The following ANKRD13C variants were observed in gnomAD, a reference collection of about 807,000 sequenced individuals.
The protein encoded by ANKRD13C is ankyrin repeat domain-containing protein 13C.
A neutral mutation model predicts 65.5 loss-of-function variants in ANKRD13C; 16 were observed. The ratio of observed to expected loss-of-function variants is 0.24; its 90% CI spans 0.17 to 0.37. The LOEUF is 0.37. ANKRD13C is among the 10% of genes least tolerant of loss of function. ANKRD13C has a pLI of 1.00. For synonymous variants in ANKRD13C, 235 were observed against 238.7 expected (o/e 0.98, Z 0.14); for missense variants, 503 against 655.9 (o/e 0.77, Z 2.55).
At chr1:70,301,031 A>T in intron 6 of ANKRD13C, 123 bp from the exon 7 acceptor site, 1 of 967,218 alleles carries the variant, frequency 1.0e-6, no homozygotes, top group South Asian at 2.4e-5. Flanking sequence ...TGCAAAGTCA[A>T]ATTTATAGAT....
intron 1 of ANKRD13C, among the ~76,000 whole-genome samples, chr1:70,341,067 G>A (rs1038711550): frequency 1.1e-4 from 16 of 152,122 alleles, no homozygotes; most frequent in Non-Finnish European, 1.8e-4. Flanking sequence ...CCAAGATCAC[G>A]CCACTTCACT....
intron 9 of ANKRD13C, among the ~76,000 whole-genome samples, chr1:70,277,456 CAA>C (rs199589444): frequency 1.7e-5 from 1 of 59,722 alleles, no homozygotes. Flanking sequence ...GACTCCACCT[CAA>C]AAAAAAAAAA....
intron 3 of ANKRD13C, among the ~76,000 whole-genome samples, chr1:70,316,855 T>C (rs1406722490): frequency 6.6e-6 from 1 of 152,100 alleles, no homozygotes; most frequent in African/African-American, 2.4e-5. Flanking sequence ...GGAAAATATA[T>C]ACATATATAC....
At chr1:70,308,352 T>C (rs1328060947) in intron 5 of ANKRD13C, among the ~76,000 whole-genome samples, 1 of 151,578 alleles carries the variant, frequency 6.6e-6, no homozygotes. Context: ...TTTAATATCA[T>C]ACACTAATAC....
chr1:70,351,600 A>G (rs998257426), intron 1 of ANKRD13C, among the ~76,000 whole-genome samples: 1 of 152,024 alleles, frequency 6.6e-6, no homozygotes, highest in African/African-American at 2.4e-5. Flanking sequence ...GGGTTTCACT[A>G]TGTTGGTCAG....
At chr1:70,351,347 T>C (rs1358383637) in intron 1 of ANKRD13C, among the ~76,000 whole-genome samples, 1 of 152,244 alleles carries the variant, frequency 6.6e-6, no homozygotes, top group East Asian at 1.9e-4. Flanking sequence ...TATTCTGCTA[T>C]GCATTTATGT....
chr1:70,344,905 T>C (rs1255647624), intron 1 of ANKRD13C, among the ~76,000 whole-genome samples: 2 of 152,014 alleles, frequency 1.3e-5, no homozygotes, highest in African/African-American at 2.4e-5. Context: ...AAATTTCTTA[T>C]GAAAAAATTA....
At chr1:70,338,849 G>T (rs960932537) in intron 1 of ANKRD13C, among the ~76,000 whole-genome samples, 3 of 152,150 alleles carry the variant, frequency 2.0e-5, no homozygotes, top group Non-Finnish European at 4.4e-5. Flanking sequence ...AATTTGATTG[G>T]TCTAGAATAA....
intron 6 of ANKRD13C, 40 bp downstream of exon 6, chr1:70,306,184 T>G: frequency 1.4e-6 from 2 of 1,420,398 alleles, no homozygotes; most frequent in Non-Finnish European, 9.5e-7. Context: ...CCTCTAAATC[T>G]CAACTTTCTT....
chr1:70,280,104 CAG>C (rs948661969), intron 9 of ANKRD13C, among the ~76,000 whole-genome samples: 10 of 152,240 alleles, frequency 6.6e-5, no homozygotes, highest in African/African-American at 1.2e-4. Flanking sequence ...AGAAAGGAAA[CAG>C]AGTTTTTTAG....
At chr1:70,347,823 C>T (rs1470469129) in intron 1 of ANKRD13C, among the ~76,000 whole-genome samples, 1 of 152,096 alleles carries the variant, frequency 6.6e-6, no homozygotes, top group Non-Finnish European at 1.5e-5. Context: ...AACATTTCAC[C>T]ACCAAATCAC....
At chr1:70,262,943 T>TAAAAAAAAAAAGAAAAAAAAAAAAAAA (rs1678447852) in intron 12 of ANKRD13C, 96 bp from the exon 13 acceptor site, 1 of 438,450 alleles carries the variant, frequency 2.3e-6, no homozygotes, top group Non-Finnish European at 3.5e-6. Context: ...CCTTAAAATG[T>TAAAAAAAAAAAGAAAAAAAAAAAAAAA]AAAAAAAAAA....
intron 4 of ANKRD13C, 102 bp from the exon 5 acceptor site, chr1:70,313,892 C>T (rs1680958907): frequency 2.7e-6 from 2 of 748,036 alleles, no homozygotes; most frequent in Admixed American, 2.2e-5. Flanking sequence ...ACATGCATTA[C>T]TATACTTAAT....
At chr1:70,344,078 A>C (rs1232978582) in intron 1 of ANKRD13C, among the ~76,000 whole-genome samples, 2 of 152,048 alleles carry the variant, frequency 1.3e-5, no homozygotes, top group Non-Finnish European at 2.9e-5. Flanking sequence ...CGGATAGATC[A>C]CCTGAGGTCA....
chr1:70,280,936 A>G (rs1213726110), intron 9 of ANKRD13C, among the ~76,000 whole-genome samples: 1 of 152,142 alleles, frequency 6.6e-6, no homozygotes, highest in Non-Finnish European at 1.5e-5. Flanking sequence ...TAGACTCAAG[A>G]GATCCTTAGG....
In ANKRD13C at chr1:70,261,305, A is replaced by G. The variant is rs191721565; in HGVS notation, c.*1412T>C. 1 of 152,232 alleles carries G rather than the reference A, an allele frequency of 6.6e-6. No individual in the cohort carries two copies. Among genetic ancestry groups the G allele is most frequent in the East Asian group, 1.9e-4 (1 of 5,182 alleles). The allele number at this position is 152,232 out of a possible 1,614,324, so 9.4% of individuals were successfully genotyped here. On this transcript the variant is annotated 3_prime_UTR_variant, in exon 13 of 13. Coordinates refer to ENST00000370944, the MANE Select transcript of ANKRD13C (RefSeq NM_030816.5). ...CTTTGGATTTTTAAATCATATTTTC[A>G]ATAAGGGTCTCTAAACTCCTTTCAA... is the stretch of plus-strand genomic sequence containing the variant.
intron 6 of ANKRD13C, among the ~76,000 whole-genome samples, chr1:70,303,990 A>C (rs1350754625): frequency 2.0e-5 from 3 of 152,012 alleles, no homozygotes; most frequent in Non-Finnish European, 4.4e-5. Context: ...CTTAACCTAC[A>C]ACTTTTCTCA....
chr1:70,340,861 C>G (rs1301849770), intron 1 of ANKRD13C, among the ~76,000 whole-genome samples: 1 of 152,052 alleles, frequency 6.6e-6, no homozygotes, highest in Non-Finnish European at 1.5e-5. Context: ...GCCTGTAATC[C>G]CAGCACTTTT....
At chr1:70,300,400 C>T (rs1680297416) in intron 7 of ANKRD13C, among the ~76,000 whole-genome samples, 1 of 152,074 alleles carries the variant, frequency 6.6e-6, no homozygotes, top group Admixed American at 6.6e-5. Context: ...CCAACCTAGC[C>T]AACATGGTGA....
Sources: allele counts gnomAD v4.1 joint callset (sites outside exome capture counted in the v4.1 genomes callset), GRCh38; gene constraint gnomAD v4.1.1; transcripts MANE v1.5; gene names NCBI Gene and HGNC (gene_info 2026-07-23, HGNC 2026-07-21).